The following TRMT112 variants were observed in gnomAD, a reference collection of about 807,000 sequenced individuals.
The protein encoded by TRMT112 is tRNA methyltransferase activator subunit 11-2.
In TRMT112, 9 loss-of-function variants were observed where a neutral mutation model predicts 13.8. The ratio of observed to expected loss-of-function variants is 0.65; its 90% CI spans 0.39 to 1.14. TRMT112 has a LOEUF of 1.14. Among genes scored for constraint, TRMT112 ranks in the 50% most tolerant of loss-of-function variants. The pLI is 0.01. For synonymous variants in TRMT112, 64 were observed against 67.0 expected (o/e 0.96, Z 0.22); for missense variants, 196 against 165.5 (o/e 1.18, Z -1.01).
upstream of TRMT112, chr11:64,317,905 G>A: frequency 4.5e-6 from 6 of 1,345,182 alleles, no homozygotes; most frequent in Non-Finnish European, 5.7e-6. Flanking sequence ...TTTCGGTTAA[G>A]GGGCAGAAAT....
Position 64,317,466 on chromosome 11 carries a change from A to C in TRMT112, c.61T>G (p.Phe21Val). Reference protein sequence around the residue: ...SHVRGVGSRGFPLRLQATEVR... With the variant: ...SHVRGVGSRGVPLRLQATEVR... The stretch of plus-strand genomic sequence containing the variant: ...GCGGGTACCTGGAGGCGCAGGGGGA[A>C]GCCACGGGACCCCACCCCCCGCACA... Residue 21 changes from phenylalanine (F) to valine (V), a missense_variant, in exon 1 of 4, where the codon TTC becomes GTC. Physicochemically the swap from Phe to Val is conservative, Grantham distance 50 (BLOSUM62 -1). Transcript: ENST00000544844. The C allele has an allele frequency of 1.2e-6, 2 of 1,610,342 alleles. No homozygotes were observed. Among genetic ancestry groups the C allele is most frequent in the South Asian group, 2.2e-5 (2 of 90,734 alleles).
At chr11:64,317,233 G>A (rs993585603) in intron 2 of TRMT112, 31 bp downstream of exon 2, 16 of 1,608,066 alleles carry the variant, frequency 9.9e-6, no homozygotes, top group Non-Finnish European at 1.4e-5. Flanking sequence ...GCATTCCCCG[G>A]GATATGCTGG....
intron 2 of TRMT112, 21 bp from the exon 3 acceptor site, chr11:64,317,168 T>G: frequency 6.2e-7 from 1 of 1,613,370 alleles, no homozygotes; most frequent in South Asian, 1.1e-5. Flanking sequence ...GAGGCCAAAA[T>G]TATCTCCGGG....
chr11:64,317,632 GGA>G, upstream of TRMT112: 1 of 1,247,864 alleles, frequency 8.0e-7, no homozygotes, highest in Non-Finnish European at 1.1e-6. Flanking sequence ...CAGGAGAACC[GGA>G]AGTGGCGAAC....
At chr11:64,317,192 C>T (rs1362553626) in intron 2 of TRMT112, 45 bp from the exon 3 acceptor site, 3 of 1,611,640 alleles carry the variant, frequency 1.9e-6, no homozygotes, top group Non-Finnish European at 2.5e-6. Context: ...CCCGAACTCC[C>T]GCCTCAGCCC....
intron 2 of TRMT112, 38 bp from the exon 3 acceptor site, chr11:64,317,185 G>C: frequency 6.2e-7 from 1 of 1,612,002 alleles, no homozygotes; most frequent in African/African-American, 1.3e-5. Flanking sequence ...CGGGCATCCC[G>C]AACTCCCGCC....
At position 64,316,609 on chromosome 11, in the gene TRMT112, G is replaced by A; in HGVS notation, c.*252C>T. 1 of 476,946 alleles carries A rather than the reference G, an allele frequency of 2.1e-6. No homozygotes were observed. Among genetic ancestry groups the A allele is most frequent in the Non-Finnish European group, 3.8e-6 (1 of 262,992 alleles). 29.5% of individuals were successfully genotyped at this position (476,946 alleles called of 1,614,324 possible). On this transcript the variant is annotated 3_prime_UTR_variant, in exon 4 of 4. Transcript: ENST00000544844. Reference sequence around the variant, plus strand: ...TTGGGTTTGGCCAGGGAGGCGCAGGGACATGGGGCAAGCCAGGGCCCAGAG... The same window carrying A: ...TTGGGTTTGGCCAGGGAGGCGCAGGAACATGGGGCAAGCCAGGGCCCAGAG...
chr11:64,317,590 C>G, upstream of TRMT112: 1 of 1,450,434 alleles, frequency 6.9e-7, no homozygotes, highest in East Asian at 2.5e-5. Context: ...GCCTCACTTC[C>G]GGGGATGCTC....
chr11:64,318,279 G>A (rs777708768), upstream of TRMT112: 1 of 1,612,462 alleles, frequency 6.2e-7, no homozygotes, highest in Non-Finnish European at 8.5e-7. Context: ...CGGTGGGGCC[G>A]GCGGTCAGTC....
rs1056063179 is a variant in TRMT112 at position 64,317,475 on chromosome 11, A to G, written c.52T>C (p.Ser18Pro). The G allele has an allele frequency of 6.2e-7, 1 of 1,608,078 alleles. No homozygotes were observed. Among genetic ancestry groups the G allele is most frequent in the African/African-American group, 1.3e-5 (1 of 74,712 alleles). ...LLSSHVRGVGSRGFPLRLQAT... is the reference protein window; with the variant it reads ...LLSSHVRGVGPRGFPLRLQAT... ...TGGAGGCGCAGGGGGAAGCCACGGG[A>G]CCCCACCCCCCGCACATGCGAGCTC... Residue 18 changes from serine (S) to proline (P), a missense_variant, in exon 1 of 4, where the codon TCC (serine) becomes CCC (proline). Transcript: ENST00000544844.
rs765448031 is a variant in TRMT112 at position 64,316,782 on chromosome 11, C to T, written c.*79G>A. The T allele has an allele frequency of 1.2e-5, 11 of 927,732 alleles. No individual in the cohort carries two copies. Among genetic ancestry groups the T allele is most frequent in the Non-Finnish European group, 2.0e-5 (11 of 560,570 alleles). The allele number at this position is 927,732 out of a possible 1,614,324, so 57.5% of individuals were successfully genotyped here. ...GTCATTGGGTCAAGGGTTGGGGATA[C>T]ACACGGCAGAATTCGGAAACAGGGT... is the stretch of plus-strand genomic sequence containing the variant. On this transcript the variant is annotated 3_prime_UTR_variant, in exon 4 of 4. Transcript: ENST00000544844.
upstream of TRMT112, chr11:64,318,052 G>A (rs1466598816): frequency 4.2e-6 from 6 of 1,435,396 alleles, no homozygotes; most frequent in South Asian, 6.0e-5. Context: ...CAAACGAGGC[G>A]TGGGTCCCGG....
At chr11:64,318,127 C>T (rs2135271837), upstream of TRMT112, 1 of 1,554,142 alleles carries the variant, frequency 6.4e-7, no homozygotes, top group East Asian at 2.3e-5. Context: ...CCGCCTTCCG[C>T]AGGGTGTCGC....
chr11:64,317,535 A>C lies in TRMT112; in HGVS notation c.-9T>G. The C allele has an allele frequency of 6.4e-7, 1 of 1,553,074 alleles. No homozygotes were observed. ...TGGGTAAGCAGTTTCATGTCGCCGC[A>C]CAAACTCTCGCCAGGCCGGAACCGG... On this transcript the variant is annotated 5_prime_UTR_variant, in exon 1 of 4. Coordinates refer to ENST00000544844, the MANE Select transcript of TRMT112 (RefSeq NM_016404.3).
upstream of TRMT112, chr11:64,318,361 C>T: frequency 1.2e-6 from 2 of 1,610,108 alleles, no homozygotes; most frequent in Non-Finnish European, 8.5e-7. Flanking sequence ...TTCAGCAGAG[C>T]CGCTGCAGCC....
Position 64,317,326 on chromosome 11 carries a change from T to C in TRMT112, c.118A>G (p.Asn40Asp). The C allele has an allele frequency of 6.2e-7, 1 of 1,613,902 alleles. No homozygotes were observed. Among genetic ancestry groups the C allele is most frequent in the Non-Finnish European group, 8.5e-7 (1 of 1,179,986 alleles). Residue 40 changes from asparagine to aspartate, a missense_variant, in exon 2 of 4, where the codon AAC becomes GAC. Coordinates refer to ENST00000544844, the MANE Select transcript of TRMT112 (RefSeq NM_016404.3). ...TTAGGTATCATACGCGCCACGAAGT[T>C]GGGGTTGAATTCCACAGGGCAGATA... ...VRICPVEFNP[N>D]FVARMIPKVE...
At chr11:64,318,271 G>A (rs2035369282), upstream of TRMT112, 2 of 1,612,366 alleles carry the variant, frequency 1.2e-6, no homozygotes, top group Admixed American at 3.3e-5. Context: ...ATACTCGTCG[G>A]TGGGGCCGGC....
At chr11:64,317,679 T>G (rs929290395), upstream of TRMT112, 13 of 879,230 alleles carry the variant, frequency 1.5e-5, no homozygotes, top group Non-Finnish European at 2.2e-5. Flanking sequence ...GGAGCTGAGG[T>G]AGGTAGGTGA....
intron 1 of TRMT112, 37 bp from the exon 2 acceptor site, chr11:64,317,402 C>T: frequency 3.1e-6 from 5 of 1,613,964 alleles, no homozygotes; most frequent in Non-Finnish European, 3.4e-6. Context: ...CACTGGACCC[C>T]GGCCCACCAT....
Sources: allele counts gnomAD v4.1 joint callset, GRCh38; gene constraint gnomAD v4.1.1; transcripts MANE v1.5; gene names NCBI Gene and HGNC (gene_info 2026-07-23, HGNC 2026-07-21).